Variants in DIS3L2 observed in about 807,000 individuals in gnomAD.
DIS3L2 encodes the protein DIS3 like 3'-5' exoribonuclease 2, also known as DIS3-like exonuclease 2.
DIS3L2 carries 34 observed loss-of-function variants against 97.5 expected under a neutral mutation model. The observed-to-expected ratio is 0.35, with a 90% CI of 0.27 to 0.46. The LOEUF (loss-of-function observed/expected upper bound fraction) is 0.46, where lower values mean the gene tolerates loss of function less well. Among genes scored for constraint, DIS3L2 ranks in the 20% least tolerant of loss-of-function variants. The pLI is 1.00. For synonymous variants in DIS3L2, 435 were observed against 445.2 expected, an observed-to-expected ratio of 0.98 and a Z score of 0.29; for missense variants, 1,038 against 1,146.0, an observed-to-expected ratio of 0.91 and a Z score of 1.36.
chr2:232,067,537 A>G lies in DIS3L2; in HGVS notation c.367-19950A>G, dbSNP rs774115416. Among the ~76,000 whole-genome samples the G allele has an allele frequency of 1.0e-3, 158 of 152,298 alleles. 2 individuals carry two copies. The highest frequency in any genetic ancestry group is 1.7e-3 in the Non-Finnish European group (118 of 68,020). ...TATCAAGCTCTTGAAACCTACAGAA[A>G]TTCATGTGGCTCAGCATATGGTCTA... On this transcript the variant is annotated intron_variant, in intron 5 of 20. Coordinates refer to ENST00000325385, the MANE Select transcript of DIS3L2 (RefSeq NM_152383.5).
intron 9 of DIS3L2, among the ~76,000 whole-genome samples, chr2:232,172,141 CTG>C (rs1691010088): frequency 8.5e-6 from 1 of 117,030 alleles, no homozygotes; most frequent in South Asian, 5.0e-4. Flanking sequence ...GTGGCAAAGT[CTG>C]TTTTTTATAT....
intron 12 of DIS3L2, among the ~76,000 whole-genome samples, 191 bp downstream of exon 12, chr2:232,249,537 C>G (rs2106265176): frequency 6.6e-6 from 1 of 152,322 alleles, no homozygotes; most frequent in East Asian, 1.9e-4. Context: ...GAAGCCAAGA[C>G]TGACCTTAAG....
chr2:232,145,959 G>A (rs779845767), intron 8 of DIS3L2, among the ~76,000 whole-genome samples: 10 of 152,174 alleles, frequency 6.6e-5, no homozygotes, highest in Admixed American at 2.6e-4. Flanking sequence ...GACACAGCTA[G>A]AAAGTGGCAC....
intron 14 of DIS3L2, among the ~76,000 whole-genome samples, chr2:232,326,051 A>G (rs1695563769): frequency 1.3e-5 from 2 of 152,150 alleles, no homozygotes; most frequent in Non-Finnish European, 2.9e-5. Flanking sequence ...CTGTGCACCT[A>G]GCACAGCTCC....
At chr2:232,308,313 T>G (rs1466309033) in intron 14 of DIS3L2, among the ~76,000 whole-genome samples, 1 of 152,164 alleles carries the variant, frequency 6.6e-6, no homozygotes, top group African/African-American at 2.4e-5. Flanking sequence ...CCTCACTTGG[T>G]CCAGACAGTG....
intron 5 of DIS3L2, among the ~76,000 whole-genome samples, chr2:232,059,516 T>A (rs1695642938): frequency 6.6e-6 from 1 of 152,156 alleles, no homozygotes; most frequent in African/African-American, 2.4e-5. Context: ...ATTCCGGGAG[T>A]ACATGTGCAG....
chr2:232,329,903 C>A lies in DIS3L2; in HGVS notation c.1830C>A (p.His610Gln). ...CCGAGCAGGCCCTGCTGCGCCGGCA[C>A]CCCCCGCCCCAAACAAGGATGCTCA... Reference protein sequence around the residue: ...AFPEQALLRRHPPPQTRMLSD... With the variant: ...AFPEQALLRRQPPPQTRMLSD... The change falls in exon 15 of 21, where the codon CAC (histidine) becomes CAA (glutamine). Residue 610 changes from histidine to glutamine, a missense_variant. By Grantham distance (24) the His-to-Gln change is conservative. This residue lies in a region of DIS3L2 where 813 missense variants were observed against 880.1 expected (regional missense o/e 0.92). Transcript: ENST00000325385. The A allele has an allele frequency of 6.2e-7, 1 of 1,611,604 alleles. No homozygotes were observed. Among genetic ancestry groups the A allele is most frequent in the Non-Finnish European group, 8.5e-7 (1 of 1,179,094 alleles).
exon 14 of DIS3L2, chr2:232,343,747 C>G (rs1696165077): frequency 3.0e-6 from 2 of 669,726 alleles, no homozygotes; most frequent in Admixed American, 5.8e-5. Flanking sequence ...CATTCAGAAA[C>G]TGCTATACCC....
At chr2:232,185,186 A>AC (rs1691401336) in intron 9 of DIS3L2, among the ~76,000 whole-genome samples, 1 of 152,158 alleles carries the variant, frequency 6.6e-6, no homozygotes, top group African/African-American at 2.4e-5. Flanking sequence ...ACCAAGATAG[A>AC]CCATATCTTG....
rs979385485 is a variant in DIS3L2 at position 232,325,446 on chromosome 2, C to T, written c.1740-4367C>T. On this transcript the variant is annotated intron_variant, in intron 14 of 20. Transcript: ENST00000325385. The surrounding 1 kb of genome is among the most constrained non-coding windows in gnomAD (Gnocchi z 4.6). Reference sequence around the variant, plus strand: ...CTGGTGGCCTTTCTCTGCTGTCTGCCACAGTTTGTGAGGGGCTCGCTGAGC... The same window carrying T: ...CTGGTGGCCTTTCTCTGCTGTCTGCTACAGTTTGTGAGGGGCTCGCTGAGC... Among the ~76,000 whole-genome samples, 30 of 152,202 alleles carry T rather than the reference C, an allele frequency of 2.0e-4. No homozygotes were observed. The highest frequency in any genetic ancestry group is 6.8e-4 in the African/African-American group (28 of 41,452).
intron 5 of DIS3L2, among the ~76,000 whole-genome samples, chr2:232,043,067 T>A (rs963464900): frequency 1.3e-5 from 2 of 152,242 alleles, no homozygotes; most frequent in African/African-American, 4.8e-5. Context: ...TGTTTTAGTA[T>A]GTGTTTCTTT....
intron 7 of DIS3L2, among the ~76,000 whole-genome samples, chr2:232,135,048 G>A (rs1245550233): frequency 6.6e-6 from 1 of 152,172 alleles, no homozygotes; most frequent in African/African-American, 2.4e-5. Context: ...GGATTCATCG[G>A]AGAGGAGGTG....
In DIS3L2 at chr2:232,009,617, C is replaced by G. The variant is rs182872356; in HGVS notation, c.-93-5218C>G. Among the ~76,000 whole-genome samples the G allele has an allele frequency of 1.1e-3, 171 of 152,304 alleles. 1 individual carries two copies. Among genetic ancestry groups the G allele is most frequent in the Non-Finnish European group, 2.1e-3 (143 of 68,020 alleles). On this transcript the variant is annotated intron_variant, in intron 1 of 20. Transcript: ENST00000325385. Reference sequence around the variant, plus strand: ...TGGTTTTTGTGAGGCTTGGAGAATGCATTCAAAGTTCAGAAAGTCTGCCTG... The same window carrying G: ...TGGTTTTTGTGAGGCTTGGAGAATGGATTCAAAGTTCAGAAAGTCTGCCTG...
Position 232,281,723 on chromosome 2 carries a change from C to T in DIS3L2, c.1659+18283C>T, listed in dbSNP as rs142719521. On this transcript the variant is annotated intron_variant, in intron 13 of 20. Transcript: ENST00000325385. The surrounding 1 kb of genome is among the most constrained non-coding windows in gnomAD (Gnocchi z 4.1). ...ACGTGCCACCCAGGAGCATCATCGG[C>T]ACCACCCAGGGGAGGAAGAGCAGGC... is the stretch of plus-strand genomic sequence containing the variant. Among the ~76,000 whole-genome samples the T allele has an allele frequency of 1.2e-3, 185 of 152,278 alleles. 1 individual carries two copies. Among genetic ancestry groups the T allele is most frequent in the African/African-American group, 4.0e-3 (165 of 41,542 alleles).
Position 231,985,706 on chromosome 2 carries a change from G to T in DIS3L2, c.-94+23941G>T, listed in dbSNP as rs555046423. On this transcript the variant is annotated intron_variant, in intron 1 of 20. Transcript: ENST00000325385. ...TATAAACTAAAATTTTTCCTTAACT[G>T]CTTGAGAGTAAATTTGACTACATCC... is the stretch of plus-strand genomic sequence containing the variant. 1.7e-4 allele frequency among the ~76,000 whole-genome samples: 26 copies of T among 152,166 alleles called. No homozygotes were observed. In the South Asian group the frequency reaches 5.4e-3, roughly 32 times the overall value.
At chr2:232,134,758 G>A (rs557166847) in intron 7 of DIS3L2, among the ~76,000 whole-genome samples, 73 of 152,194 alleles carry the variant, frequency 4.8e-4, no homozygotes, top group African/African-American at 1.5e-3. Flanking sequence ...CTTGAACCTG[G>A]GAGGCGGAGG....
intron 8 of DIS3L2, among the ~76,000 whole-genome samples, chr2:232,159,403 C>A (rs1485886232): frequency 2.0e-5 from 3 of 152,202 alleles, no homozygotes; most frequent in African/African-American, 7.2e-5. Flanking sequence ...CTTTGTGTTT[C>A]TGTCTACACA....
chr2:232,259,257 T>C lies in DIS3L2; in HGVS notation c.1426-3950T>C, dbSNP rs568786113. Among the ~76,000 whole-genome samples the C allele has an allele frequency of 2.0e-5, 3 of 152,002 alleles. No individual in the cohort carries two copies. The South Asian group carries it at 6.2e-4, about 32-fold the overall frequency. On this transcript the variant is annotated intron_variant, in intron 12 of 20. Transcript: ENST00000325385. ...TGTGCTGTTAGGAAGGGACATCTTA[T>C]CTATCTTGACTGATAAGGAAACAAA...
intron 1 of DIS3L2, among the ~76,000 whole-genome samples, chr2:231,994,815 C>CTTTTTTTTTTTT (rs560154000): frequency 7.4e-6 from 1 of 134,452 alleles, no homozygotes; most frequent in African/African-American, 2.8e-5. Context: ...CATTCTTTTT[C>CTTTTTTTTTTTT]TTTTTTTTTT....
Sources: allele counts gnomAD v4.1 joint callset (sites outside exome capture counted in the v4.1 genomes callset), GRCh38; gene constraint gnomAD v4.1.1; regional missense constraint gnomAD v4.1.1; non-coding constraint Gnocchi (gnomAD v3.1); transcripts MANE v1.5; gene names NCBI Gene and HGNC (gene_info 2026-07-23, HGNC 2026-07-21).